Variants in PELI2 observed in about 807,000 individuals in gnomAD.
PELI2 encodes the protein pellino E3 ubiquitin protein ligase family member 2.
A neutral mutation model predicts 42.3 loss-of-function variants in PELI2; 23 were observed. The ratio of observed to expected loss-of-function variants is 0.54; its 90% CI spans 0.39 to 0.77. PELI2 has a LOEUF of 0.77. Among genes scored for constraint, PELI2 ranks in the 30% least tolerant of loss-of-function variants. The pLI is 0.00. For missense variants in PELI2, 463 were observed against 553.2 expected (o/e 0.84, Z 1.64); for synonymous variants, 245 against 212.2 (o/e 1.15, Z -1.34).
intron 2 of PELI2, among the ~76,000 whole-genome samples, chr14:56,268,100 G>T (rs1888971338): frequency 6.6e-6 from 1 of 152,118 alleles, no homozygotes; most frequent in African/African-American, 2.4e-5. Flanking sequence ...ATATATTGTG[G>T]ATGCCTATGT....
At chr14:56,228,071 C>T (rs533477249) in intron 2 of PELI2, among the ~76,000 whole-genome samples, 38 of 152,340 alleles carry the variant, frequency 2.5e-4, no homozygotes, top group Non-Finnish European at 4.1e-4. Context: ...TAGTACAATG[C>T]TTTAATAATT....
chr14:56,253,777 A>G (rs1566666427), intron 2 of PELI2, among the ~76,000 whole-genome samples: 1 of 151,564 alleles, frequency 6.6e-6, no homozygotes, highest in African/African-American at 2.4e-5. Flanking sequence ...CATACTGCCC[A>G]AAAGATTCAG....
Position 56,216,775 on chromosome 14 carries a change from C to A in PELI2, c.207+38311C>A, listed in dbSNP as rs571666460. 3.9e-5 allele frequency among the ~76,000 whole-genome samples: 6 copies of A among 152,334 alleles called. No individual in the cohort carries two copies. In the South Asian group the frequency reaches 1.2e-3, roughly 32 times the overall value. On this transcript the variant is annotated intron_variant, in intron 2 of 5. Transcript: ENST00000267460. ...GTCATCAGGGCTCAGTGTTCTGGCT[C>A]CCCTGAAAAAGCTAATTCAGTTTCT...
intron 2 of PELI2, among the ~76,000 whole-genome samples, chr14:56,228,923 C>G (rs1887458700): frequency 6.6e-6 from 1 of 152,228 alleles, no homozygotes; most frequent in African/African-American, 2.4e-5. Context: ...TTCCAACAGT[C>G]TTAGCAAACA....
At chr14:56,119,180 C>T (rs948573963) in intron 1 of PELI2, 2 of 152,058 alleles carry the variant, frequency 1.3e-5, no homozygotes, top group Non-Finnish European at 2.9e-5. Context: ...CGGCGCGGAG[C>T]CCCGTCTTCC....
At chr14:56,265,283 T>C (rs1173309591) in intron 2 of PELI2, among the ~76,000 whole-genome samples, 1 of 152,078 alleles carries the variant, frequency 6.6e-6, no homozygotes, top group East Asian at 1.9e-4. Context: ...GGTGTAAAGA[T>C]AGATAAATAG....
chr14:56,259,896 T>C (rs535387395), intron 2 of PELI2, among the ~76,000 whole-genome samples: 6 of 152,132 alleles, frequency 3.9e-5, no homozygotes, highest in South Asian at 2.1e-4. Context: ...GAAATACTTA[T>C]GGATAAATTT....
rs201170816 is a variant in PELI2, at chr14:56,279,717, G to T, written c.249G>T (p.Leu83Phe). ...CKGQHSISYT[L>F]SRNQTVVVEY... Reference sequence around the variant, plus strand: ...GTCAACACAGTATATCCTACACTTTGTCAAGGAATCAGACTGTGGTGGTGG... The same window carrying T: ...GTCAACACAGTATATCCTACACTTTTTCAAGGAATCAGACTGTGGTGGTGG... Residue 83 changes from leucine (L) to phenylalanine (F), a missense_variant, in exon 3 of 6, where the codon TTG becomes TTT. This residue lies in a region of PELI2 where 343 missense variants were observed against 378.4 expected (regional missense o/e 0.91). Transcript: ENST00000267460. The T allele has an allele frequency of 8.7e-6, 14 of 1,604,768 alleles. No homozygotes were observed. The highest frequency in any genetic ancestry group is 1.2e-5 in the Non-Finnish European group (14 of 1,171,958).
At chr14:56,151,631 CT>C (rs1372729181) in intron 1 of PELI2, among the ~76,000 whole-genome samples, 1 of 152,164 alleles carries the variant, frequency 6.6e-6, no homozygotes, top group East Asian at 1.9e-4. Flanking sequence ...CTGAGGTTCT[CT>C]TCTCTTAGAT....
At chr14:56,213,137 C>T (rs187790056) in intron 2 of PELI2, among the ~76,000 whole-genome samples, 1 of 152,308 alleles carries the variant, frequency 6.6e-6, no homozygotes, top group Admixed American at 6.5e-5. Context: ...TGCAGGTAAA[C>T]TGTCTGGAGT....
intron 1 of PELI2, among the ~76,000 whole-genome samples, chr14:56,160,249 C>G (rs1337074312): frequency 6.6e-6 from 1 of 152,122 alleles, no homozygotes; most frequent in Non-Finnish European, 1.5e-5. Context: ...CCTCCCCACA[C>G]CACACTGTCC....
intron 2 of PELI2, among the ~76,000 whole-genome samples, chr14:56,274,104 G>C (rs1889203881): frequency 6.6e-6 from 1 of 152,330 alleles, no homozygotes; most frequent in Non-Finnish European, 1.5e-5. Context: ...GCCGAAAGTG[G>C]ATACATTTCC....
chr14:56,257,195 T>C (rs2139827251), intron 2 of PELI2, among the ~76,000 whole-genome samples: 1 of 152,292 alleles, frequency 6.6e-6, no homozygotes, highest in South Asian at 2.1e-4. Flanking sequence ...TAATTGTGTA[T>C]GTATGTGCTA....
Position 56,288,008 on chromosome 14 carries a change from G to A in PELI2, c.310-429G>A, listed in dbSNP as rs1364950847. 1.3e-5 allele frequency among the ~76,000 whole-genome samples: 2 copies of A among 152,172 alleles called. No individual in the cohort carries two copies. The highest frequency in any genetic ancestry group is 2.9e-5 in the Non-Finnish European group (2 of 68,022). On this transcript the variant is annotated intron_variant, in intron 3 of 5. Coordinates refer to ENST00000267460, the MANE Select transcript of PELI2 (RefSeq NM_021255.3). The surrounding 1 kb of genome is among the most constrained non-coding windows in gnomAD (Gnocchi z 4.6). ...ATTAATCCAAGAGATAAAATCTGAT[G>A]AGTGGCCAAAGATCTACTCCTGTCC...
At chr14:56,287,357 C>T (rs1417968038) in intron 3 of PELI2, among the ~76,000 whole-genome samples, 1 of 152,090 alleles carries the variant, frequency 6.6e-6, no homozygotes, top group African/African-American at 2.4e-5. Context: ...TTCTAATTTT[C>T]TTGTTAAAAA....
chr14:56,291,583 T>C (rs1033721929), intron 5 of PELI2, among the ~76,000 whole-genome samples: 11 of 152,154 alleles, frequency 7.2e-5, no homozygotes, highest in African/African-American at 2.4e-4. Flanking sequence ...AAGGAGGAAA[T>C]GTGAAAGCAG....
At chr14:56,247,092 C>G (rs1166930959) in intron 2 of PELI2, among the ~76,000 whole-genome samples, 1 of 152,080 alleles carries the variant, frequency 6.6e-6, no homozygotes, top group East Asian at 1.9e-4. Context: ...ATATAATGGA[C>G]CTGTAGAATT....
intron 2 of PELI2, among the ~76,000 whole-genome samples, chr14:56,221,433 T>C (rs895947329): frequency 1.3e-5 from 2 of 152,196 alleles, no homozygotes; most frequent in African/African-American, 4.8e-5. Context: ...TCCAACCCCC[T>C]GTACTCCACC....
chr14:56,137,096 A>G (rs977476630), intron 1 of PELI2, among the ~76,000 whole-genome samples: 16 of 152,226 alleles, frequency 1.1e-4, no homozygotes, highest in African/African-American at 2.7e-4. Flanking sequence ...CCTGTACTGC[A>G]TAAGAGGTAA....
Sources: allele counts gnomAD v4.1 joint callset (sites outside exome capture counted in the v4.1 genomes callset), GRCh38; gene constraint gnomAD v4.1.1; regional missense constraint gnomAD v4.1.1; non-coding constraint Gnocchi (gnomAD v3.1); transcripts MANE v1.5; gene names NCBI Gene and HGNC (gene_info 2026-07-23, HGNC 2026-07-21).